ITPR1: variants seen among roughly 807,000 people sequenced by gnomAD.
The protein encoded by ITPR1 is inositol 1,4,5-trisphosphate receptor type 1.
ITPR1 carries 96 observed loss-of-function variants against 318.4 expected under a neutral mutation model. The ratio of observed to expected loss-of-function variants is 0.30; its 90% confidence interval spans 0.26 to 0.36. ITPR1 has a LOEUF of 0.36. ITPR1 is among the 10% of genes least tolerant of loss of function. ITPR1 has a pLI of 1.00. For synonymous variants in ITPR1, 1,312 were observed against 1,289.9 expected (o/e 1.02, Z -0.37); for missense variants, 2,440 against 3,460.2 (o/e 0.71, Z 7.40).
intron 48 of ITPR1, 129 bp downstream of exon 48, chr3:4,777,503 C>G: frequency 1.6e-6 from 1 of 637,348 alleles, no homozygotes; most frequent in Non-Finnish European, 2.8e-6. Context: ...ATGAATGACC[C>G]AGGTTGCTAG....
chr3:4,749,974 G>C (rs1330751483), intron 44 of ITPR1: 7 of 152,706 alleles, frequency 4.6e-5, no homozygotes. Context: ...CTTTAAGGAG[G>C]AGGCCTTTTC....
intron 4 of ITPR1, among the ~76,000 whole-genome samples, chr3:4,606,792 A>T (rs566636090): frequency 1.3e-5 from 2 of 152,052 alleles, no homozygotes; most frequent in African/African-American, 4.8e-5. Flanking sequence ...TTTCAGGTTA[A>T]TTTTTTTCCT....
chr3:4,564,300 G>C (rs989020708), intron 4 of ITPR1, among the ~76,000 whole-genome samples: 2 of 152,128 alleles, frequency 1.3e-5, no homozygotes, highest in Non-Finnish European at 2.9e-5. Context: ...CCTGGCTCCT[G>C]GTGGTTGGCG....
intron 44 of ITPR1, among the ~76,000 whole-genome samples, chr3:4,752,742 TTC>T (rs1408056435): frequency 6.6e-6 from 1 of 152,224 alleles, no homozygotes; most frequent in Non-Finnish European, 1.5e-5. Flanking sequence ...GAAGAGATCT[TTC>T]TGTCTCAGCC....
At chr3:4,650,078 A>G (rs949176376) in intron 10 of ITPR1, among the ~76,000 whole-genome samples, 3 of 152,370 alleles carry the variant, frequency 2.0e-5, no homozygotes, top group Middle Eastern at 6.8e-3. Flanking sequence ...TTTATTGCCA[A>G]GTAATATTCC....
chr3:4,648,013 G>C (rs555653162), intron 10 of ITPR1, among the ~76,000 whole-genome samples: 3 of 152,040 alleles, frequency 2.0e-5, no homozygotes, highest in Non-Finnish European at 2.9e-5. Flanking sequence ...TTAGCCAAGC[G>C]TGGTGGCACA....
intron 4 of ITPR1, among the ~76,000 whole-genome samples, chr3:4,538,537 C>G (rs2084092776): frequency 6.6e-6 from 1 of 152,204 alleles, no homozygotes; most frequent in African/African-American, 2.4e-5. Flanking sequence ...CCAGCAATCC[C>G]ATTCCTGGGT....
chr3:4,846,288 T>C lies in ITPR1; in HGVS notation c.*63T>C. 1 of 1,102,948 alleles carries C rather than the reference T, an allele frequency of 9.1e-7. No individual in the cohort carries two copies. Among genetic ancestry groups the C allele is most frequent in the Non-Finnish European group, 1.3e-6 (1 of 744,390 alleles). 68.3% of individuals were successfully genotyped at this position (1,102,948 alleles called of 1,614,324 possible). A position where few individuals can be genotyped will look rare whatever the true frequency, so the allele number is the denominator to read the frequency against. ...TTATTATTAGTGTGGGTATGGCTAA[T>C]GAGTTCTGATTCACCCACGAAGGTT... On this transcript the variant is annotated 3_prime_UTR_variant, in exon 62 of 62. Transcript: ENST00000649015.
intron 40 of ITPR1, among the ~76,000 whole-genome samples, chr3:4,720,027 C>T (rs917617017): frequency 6.6e-6 from 1 of 152,226 alleles, no homozygotes; most frequent in Non-Finnish European, 1.5e-5. Flanking sequence ...CCACCTAAAT[C>T]AAGACACAGA....
chr3:4,594,211 C>T (rs765487689), intron 4 of ITPR1, among the ~76,000 whole-genome samples: 4 of 152,076 alleles, frequency 2.6e-5, no homozygotes, highest in Non-Finnish European at 5.9e-5. Context: ...CTTCAGTAAC[C>T]CAGTTTTAGG....
rs76257730 is a variant in ITPR1 at position 4,770,644 on chromosome 3, G to A, written c.5979+1880G>A. ...TGGTGCTCCCTGCTTGATCCCTGTCGCCATCTGAGTGTGGGATCTCAGCCA... is the reference window on the plus strand; with the variant it reads ...TGGTGCTCCCTGCTTGATCCCTGTCACCATCTGAGTGTGGGATCTCAGCCA... On this transcript the variant is annotated intron_variant, in intron 46 of 61. Transcript: ENST00000649015. Among the ~76,000 whole-genome samples the A allele has an allele frequency of 5.7e-3, 860 of 152,176 alleles. 6 individuals are homozygous for A. Among genetic ancestry groups the A allele is most frequent in the African/African-American group, 0.019 (805 of 41,508 alleles).
chr3:4,806,778 C>T (rs571521640), intron 55 of ITPR1, among the ~76,000 whole-genome samples: 17 of 152,150 alleles, frequency 1.1e-4, no homozygotes, highest in African/African-American at 3.4e-4. Context: ...CATTTTCCTC[C>T]GATATGAGCC....
chr3:4,766,469 T>C, intron 44 of ITPR1, 61 bp from the exon 45 acceptor site: 2 of 1,434,848 alleles, frequency 1.4e-6, no homozygotes, highest in South Asian at 1.2e-5. Context: ...TTTGGTGTCA[T>C]GAGTGGGGTG....
rs1256846833 is a variant in ITPR1, at chr3:4,717,282, T to TAAG, written c.5104-83_5104-81dup. ...AGGCTTTAAGGAGAAACGTCAGCAA[T>TAAG]AAGAGTAAAGTCTATAAACTTGGCT... On this transcript the variant is annotated intron_variant, in intron 39 of 61. Transcript: ENST00000649015. 7 of 1,155,394 alleles carry TAAG rather than the reference T, an allele frequency of 6.1e-6. No individual in the cohort carries two copies. In the African/African-American group the frequency reaches 1.1e-4, roughly 18 times the overall value. 71.6% of individuals were successfully genotyped at this position (1,155,394 alleles called of 1,614,324 possible).
chr3:4,598,725 A>G (rs2091042454), intron 4 of ITPR1, among the ~76,000 whole-genome samples: 1 of 152,236 alleles, frequency 6.6e-6, no homozygotes, highest in Non-Finnish European at 1.5e-5. Flanking sequence ...AAGTCTTGCA[A>G]TAAAGAAATT....
chr3:4,760,520 C>A (rs2045362008), intron 44 of ITPR1, among the ~76,000 whole-genome samples: 1 of 152,126 alleles, frequency 6.6e-6, no homozygotes, highest in Admixed American at 6.5e-5. Context: ...ACCCATTGTA[C>A]CAGTTTTCTG....
At chr3:4,703,334 C>T (rs1481149098) in intron 36 of ITPR1, among the ~76,000 whole-genome samples, 1 of 152,170 alleles carries the variant, frequency 6.6e-6, no homozygotes, top group Non-Finnish European at 1.5e-5. Context: ...TGGAAAGCAC[C>T]TGTCACATCC....
chr3:4,611,496 G>T (rs2092116179), intron 4 of ITPR1, among the ~76,000 whole-genome samples: 1 of 151,770 alleles, frequency 6.6e-6, no homozygotes, highest in African/African-American at 2.4e-5. Flanking sequence ...GGAGGCAGAG[G>T]TTGCAGTGAG....
intron 44 of ITPR1, among the ~76,000 whole-genome samples, chr3:4,741,427 C>G (rs147378187): frequency 7.0e-4 from 107 of 152,250 alleles, no homozygotes; most frequent in South Asian, 4.4e-3. Flanking sequence ...AAAGGGTTTT[C>G]TTTTCTGCAC....
Sources: allele counts gnomAD v4.1 joint callset (sites outside exome capture counted in the v4.1 genomes callset), GRCh38; gene constraint gnomAD v4.1.1; transcripts MANE v1.5; gene names NCBI Gene and HGNC (gene_info 2026-07-23, HGNC 2026-07-21).